The following CSMD1 variants were observed in gnomAD, a reference collection of about 807,000 sequenced individuals.
CSMD1 encodes CUB and sushi domain-containing protein 1.
CSMD1 carries 213 observed loss-of-function variants against 417.5 expected under a neutral mutation model. The ratio of observed to expected loss-of-function variants is 0.51; its 90% CI spans 0.46 to 0.57. The LOEUF (loss-of-function observed/expected upper bound fraction) is 0.57, where lower values mean the gene tolerates loss of function less well. Among genes scored for constraint, CSMD1 ranks in the 20% least tolerant of loss-of-function variants. CSMD1 has a pLI of 0.00. For missense variants in CSMD1, 6,923 were observed against 4,529.7 expected, an observed-to-expected ratio of 1.53 and a Z score of -15.17; for synonymous variants, 2,862 against 1,736.8, an observed-to-expected ratio of 1.65 and a Z score of -16.11.
At chr8:3,052,436 A>T in intron 50 of CSMD1, 26 bp downstream of exon 50, 1 of 1,542,360 alleles carries the variant, frequency 6.5e-7, no homozygotes. Context: ...ACCCACAAAG[A>T]TGGGCAGATG....
At chr8:4,036,974 T>C (rs988292850) in intron 3 of CSMD1, among the ~76,000 whole-genome samples, 5 of 151,414 alleles carry the variant, frequency 3.3e-5, no homozygotes, top group African/African-American at 1.2e-4. Context: ...TGTGTGTGTG[T>C]GTGTGTGTGT....
At chr8:4,299,920 C>T (rs571847470) in intron 3 of CSMD1, among the ~76,000 whole-genome samples, 3 of 152,128 alleles carry the variant, frequency 2.0e-5, no homozygotes, top group Non-Finnish European at 4.4e-5. Flanking sequence ...TAAGCCACTG[C>T]GCCCGGCCCA....
intron 5 of CSMD1, among the ~76,000 whole-genome samples, chr8:3,852,438 C>T (rs180694940): frequency 1.3e-5 from 2 of 152,140 alleles, no homozygotes; most frequent in Admixed American, 1.3e-4. Flanking sequence ...GTCAAGACGT[C>T]GGGAAGAGGG....
intron 3 of CSMD1, among the ~76,000 whole-genome samples, chr8:4,240,143 CATT>C (rs1294698514): frequency 6.6e-6 from 1 of 152,144 alleles, no homozygotes; most frequent in African/African-American, 2.4e-5. Context: ...GTAAAATAAA[CATT>C]ATTTAATCCC....
intron 5 of CSMD1, among the ~76,000 whole-genome samples, chr8:3,796,844 T>A (rs943717007): frequency 6.6e-6 from 1 of 151,534 alleles, no homozygotes; most frequent in African/African-American, 2.4e-5. Flanking sequence ...AGCTAGGCAA[T>A]TGTCAACATT....
rs182420629 is a variant in CSMD1, at chr8:4,637,074, G to C, written c.302+268C>G. Among the ~76,000 whole-genome samples, 237 of 152,142 alleles carry C rather than the reference G, an allele frequency of 1.6e-3. 1 individual carries two copies. The highest frequency in any genetic ancestry group is 1.3e-3 in the Non-Finnish European group (89 of 68,016). Reference sequence around the variant, plus strand: ...ATAAGGGCACAAAAGCAGCCCAACGGGTTGGTCTCCCTTGCTGTGCTGTGG... The same window carrying C: ...ATAAGGGCACAAAAGCAGCCCAACGCGTTGGTCTCCCTTGCTGTGCTGTGG... On this transcript the variant is annotated intron_variant, in intron 2 of 69. Coordinates refer to ENST00000635120, the MANE Select transcript of CSMD1 (RefSeq NM_033225.6).
intron 3 of CSMD1, among the ~76,000 whole-genome samples, chr8:4,354,843 G>A (rs768909056): frequency 6.9e-6 from 1 of 144,842 alleles, no homozygotes; most frequent in South Asian, 2.3e-4. Context: ...CTCACTAGAG[G>A]GCAGGTAAAT....
intron 1 of CSMD1, among the ~76,000 whole-genome samples, chr8:4,979,960 C>T (rs1810788042): frequency 6.6e-6 from 1 of 152,142 alleles, no homozygotes; most frequent in Admixed American, 6.5e-5. Context: ...ATGGTGTGAA[C>T]CTGGGAGGCG....
chr8:3,628,912 A>T (rs1402859859), intron 7 of CSMD1, among the ~76,000 whole-genome samples: 1 of 152,302 alleles, frequency 6.6e-6, no homozygotes, highest in South Asian at 2.1e-4. Context: ...GCAGGAAAAA[A>T]TAAGAGAAGG....
At chr8:4,698,593 T>A (rs1009510777) in intron 1 of CSMD1, among the ~76,000 whole-genome samples, 2 of 99,770 alleles carry the variant, frequency 2.0e-5, no homozygotes, top group African/African-American at 9.8e-5. Context: ...ATGGAAATGA[T>A]AGAAATTTTT....
chr8:3,495,392 G>C (rs1042222916), intron 10 of CSMD1, among the ~76,000 whole-genome samples: 1 of 151,824 alleles, frequency 6.6e-6, no homozygotes, highest in Admixed American at 6.6e-5. Flanking sequence ...ATGTTTGGCT[G>C]ATTTGCAATG....
At chr8:3,716,280 A>G (rs772860755) in intron 6 of CSMD1, among the ~76,000 whole-genome samples, 19 of 152,304 alleles carry the variant, frequency 1.2e-4, no homozygotes, top group Middle Eastern at 3.4e-3. Context: ...GCAAAACAGA[A>G]TTCAGTGGGA....
intron 4 of CSMD1, among the ~76,000 whole-genome samples, chr8:4,021,827 G>A (rs1020128776): frequency 5.9e-5 from 9 of 152,090 alleles, no homozygotes; most frequent in South Asian, 2.1e-4. Flanking sequence ...CTAAAGACCC[G>A]GGGCTCTAGT....
intron 3 of CSMD1, among the ~76,000 whole-genome samples, chr8:4,129,089 A>C (rs1305015988): frequency 1.6e-4 from 24 of 150,890 alleles, no homozygotes; most frequent in African/African-American, 5.3e-4. Flanking sequence ...AAAAAAAAAA[A>C]AAACAAAACA....
chr8:3,033,707 G>A (rs1240767268), intron 50 of CSMD1, among the ~76,000 whole-genome samples: 1 of 152,096 alleles, frequency 6.6e-6, no homozygotes, highest in Non-Finnish European at 1.5e-5. Context: ...CATGGCACAT[G>A]TATACCTATG....
chr8:2,999,346 G>A (rs954126996), intron 53 of CSMD1, among the ~76,000 whole-genome samples: 1 of 151,930 alleles, frequency 6.6e-6, no homozygotes, highest in African/African-American at 2.4e-5. Flanking sequence ...AGTAGAAATG[G>A]GGTTTTGCCA....
At chr8:4,358,666 G>T (rs866728803) in intron 3 of CSMD1, among the ~76,000 whole-genome samples, 4 of 152,110 alleles carry the variant, frequency 2.6e-5, no homozygotes, top group African/African-American at 7.2e-5. Flanking sequence ...TGCTAACTTG[G>T]TATTTTGCAT....
At chr8:4,547,745 G>A (rs1469788716) in intron 2 of CSMD1, among the ~76,000 whole-genome samples, 6 of 152,136 alleles carry the variant, frequency 3.9e-5, no homozygotes, top group African/African-American at 1.4e-4. Flanking sequence ...TCTGATACAA[G>A]GAATTTTGAA....
chr8:4,966,863 C>T (rs1035988847), intron 1 of CSMD1, among the ~76,000 whole-genome samples: 2 of 152,100 alleles, frequency 1.3e-5, no homozygotes, highest in East Asian at 1.9e-4. Context: ...TATGTAAGAT[C>T]ATCTTTCCCT....
Sources: gnomAD v4.1 joint callset for allele counts (sites outside exome capture counted in the v4.1 genomes callset) on GRCh38, gnomAD v4.1.1 for gene constraint, MANE v1.5 for transcripts, NCBI Gene and HGNC (gene_info 2026-07-23, HGNC 2026-07-21) for gene names.